The following DENND1A variants were observed in gnomAD, a reference collection of about 807,000 sequenced individuals.
The protein encoded by DENND1A is DENN domain containing 1A, also known as DENN domain-containing protein 1A.
In DENND1A, 51 loss-of-function variants were observed where a neutral mutation model predicts 113.7. That is an observed-to-expected ratio of 0.45 (90% CI 0.36 to 0.57). The LOEUF (loss-of-function observed/expected upper bound fraction) is 0.57. Among genes scored for constraint, DENND1A ranks in the 20% least tolerant of loss-of-function variants. The pLI, the probability that DENND1A is intolerant of heterozygous loss-of-function variation, is 0.00. For synonymous variants in DENND1A, 565 were observed against 570.8 expected (o/e 0.99, Z 0.14); for missense variants, 1,258 against 1,395.9 (o/e 0.90, Z 1.57).
intron 2 of DENND1A, among the ~76,000 whole-genome samples, chr9:123,838,983 C>T (rs1395375658): frequency 6.6e-6 from 1 of 152,174 alleles, no homozygotes; most frequent in Admixed American, 6.5e-5. Context: ...AGAGCCATAT[C>T]TTTTTCCATG....
chr9:123,408,292 A>G (rs1446264213), intron 20 of DENND1A, among the ~76,000 whole-genome samples: 2 of 152,174 alleles, frequency 1.3e-5, no homozygotes, highest in Non-Finnish European at 2.9e-5. Flanking sequence ...AGCAGTGTCC[A>G]CTGGAAATGC....
At chr9:123,539,980 C>A (rs1276496873) in intron 13 of DENND1A, among the ~76,000 whole-genome samples, 1 of 151,848 alleles carries the variant, frequency 6.6e-6, no homozygotes, top group South Asian at 2.1e-4. Flanking sequence ...TATAGCGGTA[C>A]CTACCTAGTG....
intron 13 of DENND1A, among the ~76,000 whole-genome samples, chr9:123,497,996 T>C (rs1463936111): frequency 6.6e-6 from 1 of 152,136 alleles, no homozygotes; most frequent in Non-Finnish European, 1.5e-5. Context: ...TAAGAATGTG[T>C]GTGGAGATGC....
At chr9:123,398,550 A>ATT (rs933690263) in intron 21 of DENND1A, among the ~76,000 whole-genome samples, 2 of 149,822 alleles carry the variant, frequency 1.3e-5, no homozygotes, top group East Asian at 4.0e-4. Flanking sequence ...AATTTTTTGT[A>ATT]TTTTTTTTAG....
intron 13 of DENND1A, among the ~76,000 whole-genome samples, chr9:123,545,409 A>C (rs896476060): frequency 6.6e-6 from 1 of 152,100 alleles, no homozygotes; most frequent in African/African-American, 2.4e-5. Context: ...ATACAGAACA[A>C]ATCCACCATC....
intron 13 of DENND1A, 107 bp from the exon 14 acceptor site, chr9:123,458,004 CTTTT>C (rs71390436): frequency 4.4e-5 from 25 of 568,020 alleles, no homozygotes; most frequent in African/African-American, 6.1e-5. Flanking sequence ...TTTTCTTTTC[CTTTT>C]TTTTTTTTTT....
intron 13 of DENND1A, among the ~76,000 whole-genome samples, chr9:123,524,416 G>A (rs10818827): frequency 0.24 from 35,920 of 152,144 alleles, 4,547 homozygotes; most frequent in Admixed American, 0.32. Flanking sequence ...GGCTGCAAAC[G>A]CAAAAGCCTT....
intron 6 of DENND1A, among the ~76,000 whole-genome samples, chr9:123,673,287 A>AT (rs2063854458): frequency 6.6e-6 from 1 of 152,072 alleles, no homozygotes; most frequent in East Asian, 1.9e-4. Flanking sequence ...TTACTTATTT[A>AT]TTTTACCATG....
intron 3 of DENND1A, among the ~76,000 whole-genome samples, chr9:123,782,098 T>C (rs1831408752): frequency 2.0e-5 from 3 of 152,010 alleles, no homozygotes; most frequent in Non-Finnish European, 4.4e-5. Flanking sequence ...AATAAAAATG[T>C]AATATTTTAA....
At chr9:123,543,426 G>A (rs1343096603) in intron 13 of DENND1A, among the ~76,000 whole-genome samples, 1 of 152,184 alleles carries the variant, frequency 6.6e-6, no homozygotes, top group African/African-American at 2.4e-5. Context: ...AATTCTATGG[G>A]ATCAGAAAAT....
chr9:123,403,131 C>T (rs2043631862), intron 21 of DENND1A, among the ~76,000 whole-genome samples: 2 of 152,250 alleles, frequency 1.3e-5, no homozygotes, highest in Non-Finnish European at 2.9e-5. Context: ...CTAGGACCTT[C>T]TTCTGAACCC....
chr9:123,550,801 A>G (rs547491721), intron 13 of DENND1A, among the ~76,000 whole-genome samples: 13 of 152,312 alleles, frequency 8.5e-5, no homozygotes, highest in Middle Eastern at 6.8e-3. Context: ...CAAATTTTAG[A>G]ACCATACTGC....
intron 20 of DENND1A, among the ~76,000 whole-genome samples, chr9:123,410,633 G>A (rs2044231590): frequency 6.6e-6 from 1 of 152,234 alleles, no homozygotes; most frequent in Admixed American, 6.5e-5. Context: ...CACCCACCCA[G>A]AGAGCAGCTA....
chr9:123,893,646 T>C (rs183270764), intron 1 of DENND1A, among the ~76,000 whole-genome samples: 1 of 152,362 alleles, frequency 6.6e-6, no homozygotes, highest in Non-Finnish European at 1.5e-5. Flanking sequence ...CACCTCACTT[T>C]ACCCACATGA....
At chr9:123,669,738 G>T (rs1488590655) in intron 7 of DENND1A, among the ~76,000 whole-genome samples, 2 of 152,078 alleles carry the variant, frequency 1.3e-5, no homozygotes, top group African/African-American at 4.8e-5. Flanking sequence ...ACTGGGGCAG[G>T]TTTAAAGCTC....
intron 13 of DENND1A, among the ~76,000 whole-genome samples, chr9:123,462,540 T>C (rs2048614108): frequency 2.0e-5 from 3 of 152,192 alleles, no homozygotes; most frequent in Admixed American, 6.5e-5. Flanking sequence ...CTCACGTCTG[T>C]AATCTCAGCA....
chr9:123,896,366 GAA>G (rs1389024687), intron 1 of DENND1A, among the ~76,000 whole-genome samples: 1 of 150,572 alleles, frequency 6.6e-6, no homozygotes, highest in Non-Finnish European at 1.5e-5. Context: ...AATTTAAACC[GAA>G]GTGGTCCCAA....
chr9:123,428,380 TA>T (rs2045898468), intron 19 of DENND1A, among the ~76,000 whole-genome samples: 1 of 152,126 alleles, frequency 6.6e-6, no homozygotes, highest in Non-Finnish European at 1.5e-5. Flanking sequence ...CCCAATAAAC[TA>T]GGTATTGAAA....
chr9:123,810,875 C>T (rs1246111584), intron 2 of DENND1A, among the ~76,000 whole-genome samples: 1 of 151,826 alleles, frequency 6.6e-6, no homozygotes, highest in Non-Finnish European at 1.5e-5. Context: ...TCTCCTGCCT[C>T]AGCCTCCTGA....
Sources: gnomAD v4.1 joint callset for allele counts (sites outside exome capture counted in the v4.1 genomes callset) on GRCh38, gnomAD v4.1.1 for gene constraint, MANE v1.5 for transcripts, NCBI Gene and HGNC (gene_info 2026-07-23, HGNC 2026-07-21) for gene names.